MIB1: variants seen among roughly 807,000 people sequenced by gnomAD.
The protein encoded by MIB1 is MIB E3 ubiquitin protein ligase 1, also known as E3 ubiquitin-protein ligase MIB1.
A neutral mutation model predicts 124.5 loss-of-function variants in MIB1; 278 were observed. That is an observed-to-expected ratio of 2.23 (90% CI 2.02 to 2.47). MIB1 has a LOEUF of 2.47. Ranked by LOEUF, MIB1 falls within the 30% of genes most tolerant of loss-of-function variation. The pLI is 0.00. For synonymous variants in MIB1, 446 were observed against 429.4 expected (o/e 1.04, Z -0.48); for missense variants, 957 against 1,254.4 (o/e 0.76, Z 3.58).
intron 4 of MIB1, among the ~76,000 whole-genome samples, chr18:21,776,380 C>T (rs988116969): frequency 3.3e-5 from 5 of 152,014 alleles, no homozygotes; most frequent in African/African-American, 9.6e-5. Flanking sequence ...TGTGAGTGTG[C>T]GTGTGTGTGC....
intron 1 of MIB1, among the ~76,000 whole-genome samples, chr18:21,755,061 T>C (rs1359656915): frequency 1.3e-5 from 2 of 150,802 alleles, no homozygotes; most frequent in Non-Finnish European, 2.9e-5. Flanking sequence ...ACCCCTTCTT[T>C]AAGTCATTTT....
intron 10 of MIB1, among the ~76,000 whole-genome samples, chr18:21,808,267 A>G (rs1176560950): frequency 6.6e-6 from 1 of 152,186 alleles, no homozygotes. Flanking sequence ...TCAAGAGAGT[A>G]TAGATCAGGG....
At chr18:21,857,334 A>G (rs2042238711) in intron 19 of MIB1, 91 bp downstream of exon 19, 1 of 766,754 alleles carries the variant, frequency 1.3e-6, no homozygotes, top group East Asian at 2.6e-5. Flanking sequence ...CTACTGCCTT[A>G]TAAAACCTAA....
intron 12 of MIB1, among the ~76,000 whole-genome samples, chr18:21,820,036 C>T (rs964246803): frequency 6.6e-6 from 1 of 152,074 alleles, no homozygotes; most frequent in African/African-American, 2.4e-5. Flanking sequence ...TACTAAGTTA[C>T]CTAATTCCTT....
At chr18:21,751,879 G>A (rs530444191) in intron 1 of MIB1, among the ~76,000 whole-genome samples, 2 of 152,212 alleles carry the variant, frequency 1.3e-5, no homozygotes, top group South Asian at 4.1e-4. Flanking sequence ...ATTTAATGTT[G>A]GATATGAGAA....
In MIB1 at chr18:21,870,301, A is replaced by G. The variant is rs894214645; in HGVS notation, c.*5635A>G. 1 of 152,282 alleles carries G rather than the reference A, an allele frequency of 6.6e-6. No individual in the cohort carries two copies. Among genetic ancestry groups the G allele is most frequent in the South Asian group, 2.1e-4 (1 of 4,830 alleles). 9.4% of individuals were successfully genotyped at this position (152,282 alleles called of 1,614,324 possible). A position where few individuals can be genotyped will look rare whatever the true frequency, so the allele number is the denominator to read the frequency against. ...TGTTATTGTTAAAAAGGAAATTACC[A>G]TGCCTTTAAGAAACAAGGATGTACA... On this transcript the variant is annotated 3_prime_UTR_variant, in exon 21 of 21. Coordinates refer to ENST00000261537, the MANE Select transcript of MIB1 (RefSeq NM_020774.4).
intron 7 of MIB1, among the ~76,000 whole-genome samples, chr18:21,796,583 G>A (rs2041584153): frequency 6.6e-6 from 1 of 152,066 alleles, no homozygotes; most frequent in African/African-American, 2.4e-5. Flanking sequence ...ACAAAAAAAT[G>A]TCCCAAACAA....
rs2042327188 is a variant in MIB1, at chr18:21,867,193, A to G, written c.*2527A>G. On this transcript the variant is annotated 3_prime_UTR_variant, in exon 21 of 21. Transcript: ENST00000261537. Reference sequence around the variant, plus strand: ...CAGTGGAAAAATGGCATCTTAGCACACTCAGAATTTATTGTGCAGCAGTTG... The same window carrying G: ...CAGTGGAAAAATGGCATCTTAGCACGCTCAGAATTTATTGTGCAGCAGTTG... 1 of 152,280 alleles carries G rather than the reference A, an allele frequency of 6.6e-6. No homozygotes were observed. Among genetic ancestry groups the G allele is most frequent in the Non-Finnish European group, 1.5e-5 (1 of 68,032 alleles). 9.4% of individuals were successfully genotyped at this position (152,280 alleles called of 1,614,324 possible).
chr18:21,829,779 A>G (rs1353795270), intron 12 of MIB1, among the ~76,000 whole-genome samples: 1 of 152,140 alleles, frequency 6.6e-6, no homozygotes, highest in Non-Finnish European at 1.5e-5. Flanking sequence ...ACAAATTCAA[A>G]TAGATGTAGA....
chr18:21,850,722 A>G (rs947642434), intron 17 of MIB1, among the ~76,000 whole-genome samples: 2 of 152,168 alleles, frequency 1.3e-5, no homozygotes, highest in African/African-American at 4.8e-5. Flanking sequence ...TTGGCATTTC[A>G]TTTGTATTAA....
At chr18:21,860,096 G>GTTTTTTTTTTT (rs1568230537) in intron 20 of MIB1, among the ~76,000 whole-genome samples, 3 of 53,300 alleles carry the variant, frequency 5.6e-5, no homozygotes, top group African/African-American at 1.1e-4. Context: ...TGTTCTTTAT[G>GTTTTTTTTTTT]TCTTTTTTTT....
At position 21,861,717 on chromosome 18, in the gene MIB1, A is replaced by G. The variant is rs184594086; in HGVS notation, c.2881-2809A>G. Among the ~76,000 whole-genome samples, 28 of 152,020 alleles carry G rather than the reference A, an allele frequency of 1.8e-4. No homozygotes were observed. In the East Asian group the frequency reaches 4.8e-3, roughly 26 times the overall value. ...CTCTGCTCATTTAAATCTCCAGTCTATTACCCCAATGTGTCTTTAACAGAT... is the reference window on the plus strand; with the variant it reads ...CTCTGCTCATTTAAATCTCCAGTCTGTTACCCCAATGTGTCTTTAACAGAT... On this transcript the variant is annotated intron_variant, in intron 20 of 20. Coordinates refer to ENST00000261537, the MANE Select transcript of MIB1 (RefSeq NM_020774.4).
chr18:21,720,547 T>C (rs940880225), intron 1 of MIB1, among the ~76,000 whole-genome samples: 7 of 151,962 alleles, frequency 4.6e-5, no homozygotes, highest in Non-Finnish European at 1.0e-4. Context: ...GTCTATGCAA[T>C]GTGTAACTCA....
At chr18:21,802,136 A>G (rs1310436159) in intron 9 of MIB1, among the ~76,000 whole-genome samples, 1 of 152,152 alleles carries the variant, frequency 6.6e-6, no homozygotes, top group Admixed American at 6.5e-5. Context: ...TTGAGAAGAT[A>G]TAAGCCATTC....
At chr18:21,795,290 T>TATATATA (rs1395811445) in intron 7 of MIB1, among the ~76,000 whole-genome samples, 5 of 131,760 alleles carry the variant, frequency 3.8e-5, no homozygotes, top group Non-Finnish European at 7.6e-5. Context: ...TATATATGTA[T>TATATATA]ATATATAATA....
At chr18:21,842,116 A>AAG (rs1555695872) in intron 13 of MIB1, among the ~76,000 whole-genome samples, 2,343 of 121,128 alleles carry the variant, frequency 0.019, 181 homozygotes, top group South Asian at 0.041. Flanking sequence ...AAAAAAAAAA[A>AAG]AAGAAGAAAA....
intron 13 of MIB1, among the ~76,000 whole-genome samples, chr18:21,842,091 C>CAAAAAAAAAAAAAAA (rs376834305): frequency 1.1e-4 from 4 of 35,686 alleles, no homozygotes; most frequent in African/African-American, 1.7e-4. Context: ...GACCCTATCT[C>CAAAAAAAAAAAAAAA]AAAAAAAAAA....
intron 6 of MIB1, among the ~76,000 whole-genome samples, chr18:21,781,559 A>G (rs1005208345): frequency 1.3e-5 from 2 of 151,326 alleles, no homozygotes; most frequent in Non-Finnish European, 1.5e-5. Flanking sequence ...GATTATGGGC[A>G]TGTGCCACCA....
chr18:21,806,291 C>CT (rs2041705865), intron 10 of MIB1, among the ~76,000 whole-genome samples: 4 of 151,322 alleles, frequency 2.6e-5, no homozygotes, highest in Non-Finnish European at 5.9e-5. Flanking sequence ...GCCTTGAATT[C>CT]CCAGGCTCAA....
Sources: allele counts gnomAD v4.1 joint callset (sites outside exome capture counted in the v4.1 genomes callset), GRCh38; gene constraint gnomAD v4.1.1; transcripts MANE v1.5; gene names NCBI Gene and HGNC (gene_info 2026-07-23, HGNC 2026-07-21).